STXBP5L: variants seen among roughly 807,000 people sequenced by gnomAD.
STXBP5L encodes the protein syntaxin-binding protein 5-like.
STXBP5L carries 65 observed loss-of-function variants against 144.5 expected under a neutral mutation model. That is an observed-to-expected ratio of 0.45 (90% confidence interval 0.37 to 0.55). The LOEUF (loss-of-function observed/expected upper bound fraction) is 0.55, where lower values mean the gene tolerates loss of function less well. Among genes scored for constraint, STXBP5L ranks in the 20% least tolerant of loss-of-function variants. The pLI is 0.00. For missense variants in STXBP5L, 1,298 were observed against 1,405.5 expected, an observed-to-expected ratio of 0.92 and a Z score of 1.22; for synonymous variants, 505 against 469.6, an observed-to-expected ratio of 1.08 and a Z score of -0.97.
chr3:121,405,786 G>A (rs1217265210), intron 22 of STXBP5L, among the ~76,000 whole-genome samples: 2 of 152,052 alleles, frequency 1.3e-5, no homozygotes, highest in Non-Finnish European at 2.9e-5. Flanking sequence ...TAAACCTAAT[G>A]AACAGAATAT....
chr3:121,340,860 CAAAGTT>C lies in STXBP5L; in HGVS notation c.2176+22326_2176+22331del, dbSNP rs58141772. 7.8e-3 allele frequency among the ~76,000 whole-genome samples: 1,188 copies of C among 152,040 alleles called. 12 individuals carry two copies. Among genetic ancestry groups the C allele is most frequent in the African/African-American group, 0.028 (1,145 of 41,476 alleles). ...AACAAAAAGTTAAAAAGCAGGGAGA[CAAAGTT>C]AAAGTGTAGAGTTTTTATTAGTTTT... On this transcript the variant is annotated intron_variant, in intron 20 of 26. Transcript: ENST00000471454.
At chr3:121,218,389 G>A (rs1396408114) in intron 10 of STXBP5L, among the ~76,000 whole-genome samples, 1 of 145,474 alleles carries the variant, frequency 6.9e-6, no homozygotes, top group East Asian at 2.0e-4. Flanking sequence ...ATAGTATATA[G>A]TATTATTTAG....
intron 7 of STXBP5L, among the ~76,000 whole-genome samples, chr3:121,131,772 G>A (rs1445837621): frequency 6.6e-6 from 1 of 152,212 alleles, no homozygotes; most frequent in Non-Finnish European, 1.5e-5. Flanking sequence ...TATCAGCAAA[G>A]TGGCAGAATA....
At chr3:121,045,368 T>A in intron 4 of STXBP5L, 67 bp from the exon 5 acceptor site, 3 of 1,419,128 alleles carry the variant, frequency 2.1e-6, no homozygotes, top group Non-Finnish European at 2.9e-6. Context: ...TAAATTAGCT[T>A]GTTTGTGATT....
intron 9 of STXBP5L, among the ~76,000 whole-genome samples, chr3:121,198,912 G>C (rs1228800847): frequency 1.3e-5 from 2 of 152,158 alleles, no homozygotes; most frequent in Non-Finnish European, 2.9e-5. Flanking sequence ...GTGAACTCAG[G>C]TAGCGTGATG....
At chr3:120,980,529 C>T (rs1283459775) in intron 3 of STXBP5L, among the ~76,000 whole-genome samples, 1 of 150,940 alleles carries the variant, frequency 6.6e-6, no homozygotes, top group African/African-American at 2.4e-5. Flanking sequence ...TATTCCTGCT[C>T]ATTTTTGGTT....
chr3:121,378,126 A>C (rs1576319801), intron 20 of STXBP5L, among the ~76,000 whole-genome samples: 2 of 151,574 alleles, frequency 1.3e-5, no homozygotes, highest in East Asian at 3.9e-4. Flanking sequence ...CAATGAAAAC[A>C]CATGGTCACA....
intron 22 of STXBP5L, among the ~76,000 whole-genome samples, chr3:121,397,132 G>T (rs964707398): frequency 5.3e-5 from 8 of 152,222 alleles, no homozygotes; most frequent in African/African-American, 1.9e-4. Flanking sequence ...AAAATACTTA[G>T]CAGGCTGCAG....
chr3:121,311,791 C>A (rs1221947264), intron 19 of STXBP5L, among the ~76,000 whole-genome samples: 1 of 152,138 alleles, frequency 6.6e-6, no homozygotes, highest in Non-Finnish European at 1.5e-5. Flanking sequence ...AGATTCAATG[C>A]CATCCCCATC....
intron 3 of STXBP5L, among the ~76,000 whole-genome samples, chr3:121,004,348 G>T (rs1390307609): frequency 6.6e-6 from 1 of 151,940 alleles, no homozygotes; most frequent in Non-Finnish European, 1.5e-5. Context: ...TTGGCTCTCT[G>T]TTTGTCTGTT....
At chr3:121,230,222 CA>C (rs1313415499) in intron 11 of STXBP5L, among the ~76,000 whole-genome samples, 2 of 152,126 alleles carry the variant, frequency 1.3e-5, no homozygotes, top group African/African-American at 4.8e-5. Flanking sequence ...GCATATCAGG[CA>C]AATATTATAA....
At chr3:120,952,433 C>G (rs962683721) in intron 2 of STXBP5L, among the ~76,000 whole-genome samples, 2 of 151,952 alleles carry the variant, frequency 1.3e-5, no homozygotes, top group Non-Finnish European at 2.9e-5. Context: ...TTGGATTCTA[C>G]TTATTATAAA....
intron 3 of STXBP5L, among the ~76,000 whole-genome samples, chr3:120,964,009 A>G (rs1231195673): frequency 1.3e-5 from 2 of 152,120 alleles, no homozygotes; most frequent in Admixed American, 1.3e-4. Flanking sequence ...GCGAGGGTGT[A>G]TGTGTCGAGG....
At chr3:121,007,712 A>G (rs1050595574) in intron 3 of STXBP5L, among the ~76,000 whole-genome samples, 1 of 152,054 alleles carries the variant, frequency 6.6e-6, no homozygotes, top group African/African-American at 2.4e-5. Flanking sequence ...ATCAGTGGTT[A>G]GAGAAAGCCT....
At chr3:121,008,021 T>C (rs1944478412) in intron 3 of STXBP5L, among the ~76,000 whole-genome samples, 1 of 152,026 alleles carries the variant, frequency 6.6e-6, no homozygotes, top group Non-Finnish European at 1.5e-5. Flanking sequence ...TTATCATTTT[T>C]TCTTTTACCG....
intron 3 of STXBP5L, among the ~76,000 whole-genome samples, chr3:120,991,745 G>A (rs1247293383): frequency 1.3e-5 from 2 of 151,928 alleles, no homozygotes; most frequent in African/African-American, 4.8e-5. Context: ...CTCACTCATA[G>A]GTGGGAATTG....
At chr3:121,196,408 G>A (rs888174659) in intron 9 of STXBP5L, among the ~76,000 whole-genome samples, 2 of 151,796 alleles carry the variant, frequency 1.3e-5, no homozygotes, top group Non-Finnish European at 2.9e-5. Context: ...CAAAGTACTG[G>A]GATTACAGGC....
At chr3:121,016,915 G>A (rs1945185757) in intron 3 of STXBP5L, among the ~76,000 whole-genome samples, 2 of 152,146 alleles carry the variant, frequency 1.3e-5, no homozygotes, top group African/African-American at 4.8e-5. Context: ...GAAGCAGATG[G>A]AATATTTCCA....
intron 22 of STXBP5L, among the ~76,000 whole-genome samples, chr3:121,387,944 C>A (rs2046469145): frequency 6.6e-6 from 1 of 152,126 alleles, no homozygotes; most frequent in Non-Finnish European, 1.5e-5. Flanking sequence ...TGAAGAAAGT[C>A]ATTGGTAGCT....
Sources: gnomAD v4.1 joint callset for allele counts (sites outside exome capture counted in the v4.1 genomes callset) on GRCh38, gnomAD v4.1.1 for gene constraint, MANE v1.5 for transcripts, NCBI Gene and HGNC (gene_info 2026-07-23, HGNC 2026-07-21) for gene names.